The following CAST variants were observed in gnomAD, a reference collection of about 807,000 sequenced individuals.
CAST encodes MIR583 host.
A neutral mutation model predicts 119.6 loss-of-function variants in CAST; 76 were observed. The observed-to-expected ratio is 0.64, with a 90% CI of 0.53 to 0.77. The LOEUF (loss-of-function observed/expected upper bound fraction) is 0.77, where lower values mean the gene tolerates loss of function less well. Among genes scored for constraint, CAST ranks in the 30% least tolerant of loss-of-function variants. The pLI is 0.00. For synonymous variants in CAST, 319 were observed against 331.6 expected (o/e 0.96, Z 0.41); for missense variants, 953 against 946.5 (o/e 1.01, Z -0.09).
chr5:96,435,896 T>C, the CAST span, among the ~76,000 whole-genome samples: 16 of 152,212 alleles, frequency 1.1e-4, no homozygotes, highest in African/African-American at 3.6e-4. Flanking sequence ...GTTTTAAACA[T>C]TTTGTTACTA....
chr5:96,303,555 C>T, the CAST span, among the ~76,000 whole-genome samples: 1 of 152,134 alleles, frequency 6.6e-6, no homozygotes, highest in African/African-American at 2.4e-5. Flanking sequence ...TGGTTTGCTG[C>T]ACCCATCAAC....
chr5:96,083,717 T>A, the CAST span, among the ~76,000 whole-genome samples: 1 of 152,178 alleles, frequency 6.6e-6, no homozygotes, highest in African/African-American at 2.4e-5. Flanking sequence ...TAAATTGACT[T>A]GATGTTTTTA....
At chr5:95,991,178 G>A in the CAST span, among the ~76,000 whole-genome samples, 2 of 152,220 alleles carry the variant, frequency 1.3e-5, no homozygotes, top group African/African-American at 4.8e-5. Flanking sequence ...TAAATATATG[G>A]TTCTCCTATG....
At chr5:96,050,819 G>A in the CAST span, among the ~76,000 whole-genome samples, 7 of 152,246 alleles carry the variant, frequency 4.6e-5, no homozygotes, top group African/African-American at 1.7e-4. Flanking sequence ...AAGGGAGACC[G>A]ATGGGCGAGT....
chr5:96,310,580 G>A, the CAST span, among the ~76,000 whole-genome samples: 8 of 149,970 alleles, frequency 5.3e-5, no homozygotes, highest in African/African-American at 1.5e-4. Context: ...TTTTTAAATG[G>A]GAGACTATGG....
intron 7 of CAST, 90 bp downstream of exon 7, chr5:96,729,299 A>G (rs1759972179): frequency 1.4e-6 from 1 of 740,478 alleles, no homozygotes; most frequent in Non-Finnish European, 2.3e-6. Context: ...ACTAATCCCT[A>G]CAATGGATAG....
At chr5:96,662,663 T>A (rs1457084) in intron 1 of CAST, among the ~76,000 whole-genome samples, 166 bp downstream of exon 1, 5 of 84,556 alleles carry the variant, frequency 5.9e-5, no homozygotes, top group Non-Finnish European at 9.0e-5. Flanking sequence ...GGCAGGTGGC[T>A]GCAGGTGGCT....
the CAST span, among the ~76,000 whole-genome samples, chr5:96,140,703 T>A: frequency 6.6e-6 from 1 of 152,324 alleles, no homozygotes; most frequent in Admixed American, 6.5e-5. Flanking sequence ...GGTAATGTAT[T>A]TACAGTGTAA....
the CAST span, among the ~76,000 whole-genome samples, chr5:96,272,845 T>A: frequency 2.0e-5 from 3 of 152,182 alleles, no homozygotes; most frequent in Non-Finnish European, 2.9e-5. Flanking sequence ...TATATGCAAT[T>A]ATTTCATGTA....
At chr5:96,566,815 C>A (rs1206128589) in intron 1 of CAST, among the ~76,000 whole-genome samples, 1 of 152,202 alleles carries the variant, frequency 6.6e-6, no homozygotes, top group African/African-American at 2.4e-5. Context: ...AAATAAAAAA[C>A]TGCCACAACT....
chr5:96,065,455 A>T, the CAST span, among the ~76,000 whole-genome samples: 1 of 151,704 alleles, frequency 6.6e-6, no homozygotes, highest in East Asian at 1.9e-4. Context: ...ATATGTAGAA[A>T]TTAATTGAGC....
At chr5:96,159,717 T>G in the CAST span, among the ~76,000 whole-genome samples, 1 of 152,242 alleles carries the variant, frequency 6.6e-6, no homozygotes, top group Non-Finnish European at 1.5e-5. Context: ...TTCACTATTT[T>G]TGTGTATTAC....
the CAST span, among the ~76,000 whole-genome samples, chr5:96,362,574 C>T: frequency 6.6e-6 from 1 of 152,220 alleles, no homozygotes; most frequent in East Asian, 1.9e-4. Context: ...TTGCATTTCT[C>T]TGATGGCCAG....
At chr5:96,182,711 G>T in the CAST span, among the ~76,000 whole-genome samples, 2 of 152,158 alleles carry the variant, frequency 1.3e-5, no homozygotes, top group Non-Finnish European at 2.9e-5. Flanking sequence ...CTATAAGCCA[G>T]ATACTGTGAT....
At chr5:96,326,499 A>G in the CAST span, among the ~76,000 whole-genome samples, 17 of 152,140 alleles carry the variant, frequency 1.1e-4, no homozygotes, top group Admixed American at 2.0e-4. Flanking sequence ...TCCTACTTTA[A>G]GACCCAGCTC....
chr5:96,189,683 T>G, the CAST span, among the ~76,000 whole-genome samples: 1 of 152,220 alleles, frequency 6.6e-6, no homozygotes, highest in Non-Finnish European at 1.5e-5. Context: ...TTTCATCTTT[T>G]TGTGTTTCCT....
rs145201213 is a variant in CAST, at chr5:96,745,137, G to A, written c.1201-1205G>A. 3.1e-3 allele frequency among the ~76,000 whole-genome samples: 469 copies of A among 152,316 alleles called. 3 individuals carry two copies. The highest frequency in any genetic ancestry group is 0.011 in the African/African-American group (451 of 41,558). ...ACAGGTGACCCTGGATGTTCATGAA[G>A]GCCGCTGTGCCTTGACCTGGGGAGT... On this transcript the variant is annotated intron_variant, in intron 16 of 31. Coordinates refer to ENST00000675179, the MANE Select transcript of CAST (RefSeq NM_001750.7).
At chr5:96,347,017 T>C in the CAST span, among the ~76,000 whole-genome samples, 1 of 152,152 alleles carries the variant, frequency 6.6e-6, no homozygotes, top group African/African-American at 2.4e-5. Context: ...GATAGCATAC[T>C]GGGCATCTTT....
At chr5:96,204,587 T>A in the CAST span, among the ~76,000 whole-genome samples, 1 of 152,046 alleles carries the variant, frequency 6.6e-6, no homozygotes, top group Non-Finnish European at 1.5e-5. Flanking sequence ...ACAGAATAGA[T>A]GACATCCAGG....
Sources: allele counts gnomAD v4.1 joint callset (sites outside exome capture counted in the v4.1 genomes callset), GRCh38; gene constraint gnomAD v4.1.1; transcripts MANE v1.5; gene names NCBI Gene and HGNC (gene_info 2026-07-23, HGNC 2026-07-21).